The following GON4L variants were observed in gnomAD, a reference collection of about 807,000 sequenced individuals.
GON4L encodes the protein GON-4-like protein.
GON4L carries 87 observed loss-of-function variants against 211.8 expected under a neutral mutation model. That is an observed-to-expected ratio of 0.41 (90% confidence interval 0.35 to 0.49). The LOEUF is 0.49. GON4L is among the 20% of genes least tolerant of loss of function. The pLI is 0.15. For synonymous variants in GON4L, 875 were observed against 962.6 expected (o/e 0.91, Z 1.68); for missense variants, 2,155 against 2,659.5 (o/e 0.81, Z 4.17).
At position 155,762,384 on chromosome 1, in the gene GON4L, C is replaced by G. The variant is rs150685211; in HGVS notation, c.4727-10G>C. 9.4e-3 allele frequency: 15,030 copies of G among 1,595,134 alleles called. 96 individuals are homozygous for G. Among genetic ancestry groups the G allele is most frequent in the Non-Finnish European group, 0.011 (13,086 of 1,166,864 alleles). ...GCTTTGATGCTCTCTCCTTGTAGCA[C>G]ACATGAAAAGGATTGTTTCCCTGTC... On this transcript the variant is annotated splice_polypyrimidine_tract_variant and intron_variant, in intron 22 of 31. Coordinates refer to ENST00000368331, the MANE Select transcript of GON4L (RefSeq NM_001282860.2).
At chr1:155,772,390 T>G (rs112612455) in intron 18 of GON4L, among the ~76,000 whole-genome samples, 4 of 151,992 alleles carry the variant, frequency 2.6e-5, no homozygotes, top group African/African-American at 9.7e-5. Context: ...TAACAACATA[T>G]ATGATCGTGG....
Position 155,765,139 on chromosome 1 carries a change from G to A in GON4L, c.4334C>T (p.Pro1445Leu), listed in dbSNP as rs1377144257. Residue 1445 changes from proline (P) to leucine (L), a missense_variant, in exon 21 of 32, where the codon CCA becomes CTA. Coordinates refer to ENST00000368331, the MANE Select transcript of GON4L (RefSeq NM_001282860.2). ...SSVDGQSVGT[P>L]VGPETGGEKN... The stretch of plus-strand genomic sequence containing the variant: ...CTCTCCTCCAGTTTCTGGCCCAACT[G>A]GAGTCCCCACTGACTGACCATCAAC... 1 of 1,613,982 alleles carries A rather than the reference G, an allele frequency of 6.2e-7. No homozygotes were observed. The highest frequency in any genetic ancestry group is 1.7e-5 in the Admixed American group (1 of 59,974).
upstream of GON4L, among the ~76,000 whole-genome samples, chr1:155,858,253 G>A (rs993881158): frequency 6.6e-6 from 1 of 151,956 alleles, no homozygotes; most frequent in African/African-American, 2.4e-5. Context: ...GGAATCCACG[G>A]AGATTAAAAA....
chr1:155,814,516 C>T (rs1397811736), intron 8 of GON4L, 67 bp from the exon 9 acceptor site: 4 of 1,480,060 alleles, frequency 2.7e-6, no homozygotes, highest in East Asian at 4.5e-5. Flanking sequence ...TCTGAAGTAT[C>T]TCAAGAGAAG....
At chr1:155,831,459 AAATAAAT>A (rs1669760938) in intron 2 of GON4L, 1 of 10,912 alleles carries the variant, frequency 9.2e-5, no homozygotes, top group African/African-American at 2.0e-4. Context: ...CGTTAAAAAT[AAATAAAT>A]AAATAAATAA....
chr1:155,775,603 C>T (rs776634015), intron 16 of GON4L, among the ~76,000 whole-genome samples: 32 of 151,732 alleles, frequency 2.1e-4, no homozygotes, highest in Non-Finnish European at 3.2e-4. Flanking sequence ...TAATTACAGG[C>T]GCCCGCTACC....
chr1:155,822,164 T>C (rs992776336), intron 4 of GON4L, 122 bp downstream of exon 4: 5 of 826,870 alleles, frequency 6.0e-6, no homozygotes, highest in Non-Finnish European at 1.1e-5. Context: ...AAATGTTCTG[T>C]CACGGGTAAC....
At position 155,814,251 on chromosome 1, in the gene GON4L, AT is replaced by A. The variant is rs1196325094; in HGVS notation, c.1281+78del. 8.3e-6 allele frequency: 11 copies of A among 1,328,524 alleles called. No homozygotes were observed. In the East Asian group the frequency reaches 2.5e-4, roughly 31 times the overall value. 82.3% of individuals were successfully genotyped at this position (1,328,524 alleles called of 1,614,324 possible). A position where few individuals can be genotyped will look rare whatever the true frequency, so the allele number is the denominator to read the frequency against. On this transcript the variant is annotated intron_variant, in intron 9 of 31. Transcript: ENST00000368331. Reference sequence around the variant, plus strand: ...GGGTGACAGCCCAGAATCACCATGGATAAATAATCTACTTATACAGTTAAAA... The same window carrying A: ...GGGTGACAGCCCAGAATCACCATGGAAAATAATCTACTTATACAGTTAAAA...
chr1:155,845,363 G>A, intron 2 of GON4L: 1 of 226,902 alleles, frequency 4.4e-6, no homozygotes, highest in Non-Finnish European at 9.0e-6. Flanking sequence ...CTGGTGGCCA[G>A]AGTGTATCAT....
chr1:155,787,186 A>T (rs1050493987), intron 12 of GON4L, among the ~76,000 whole-genome samples: 1 of 152,172 alleles, frequency 6.6e-6, no homozygotes, highest in Non-Finnish European at 1.5e-5. Context: ...CTGGGATTAC[A>T]GGCGTGAGCT....
chr1:155,761,497 A>ATTT (rs534585899), intron 23 of GON4L, among the ~76,000 whole-genome samples: 2 of 129,384 alleles, frequency 1.5e-5, no homozygotes, highest in Non-Finnish European at 1.7e-5. Flanking sequence ...AGCCTGGTTC[A>ATTT]TTTTTTTTTT....
At chr1:155,769,057 CCT>C (rs1331167989) in intron 19 of GON4L, among the ~76,000 whole-genome samples, 3 of 152,048 alleles carry the variant, frequency 2.0e-5, no homozygotes, top group African/African-American at 7.2e-5. Context: ...GCTTACTGAA[CCT>C]CTGTCTCCCT....
At chr1:155,749,201 G>A (rs1660371668), downstream of GON4L, 10 of 1,325,456 alleles carry the variant, frequency 7.5e-6, no homozygotes, top group East Asian at 2.6e-5. Context: ...GCAGTGAGCC[G>A]AGATCACACC....
At chr1:155,856,370 A>C (rs1243844398) in intron 1 of GON4L, among the ~76,000 whole-genome samples, 1 of 151,336 alleles carries the variant, frequency 6.6e-6, no homozygotes, top group African/African-American at 2.4e-5. Flanking sequence ...TAGGACTACA[A>C]GGCACTTGCC....
Position 155,752,572 on chromosome 1 carries a change from C to G in GON4L, c.5861G>C (p.Ser1954Thr). ...MPVSAGLAVG[S>T]TLPSPREVTV... Reference sequence around the variant, plus strand: ...CACTTCTCGAGGGGATGGCAAAGTGCTCCCCACTGCCAATCCTGCTTAGGA... The same window carrying G: ...CACTTCTCGAGGGGATGGCAAAGTGGTCCCCACTGCCAATCCTGCTTAGGA... Residue 1954 changes from serine (S) to threonine (T), a missense_variant, in exon 30 of 32, where the codon AGC becomes ACC. Ser to Thr is a moderately conservative substitution (Grantham distance 58, BLOSUM62 1). Around this residue, in one of 6 missense-constraint regions of GON4L, gnomAD observed 455 missense variants for 504.6 expected, o/e 0.90. Transcript: ENST00000368331. 10 of 1,589,718 alleles carry G rather than the reference C, an allele frequency of 6.3e-6. No individual in the cohort carries two copies. The highest frequency in any genetic ancestry group is 8.6e-6 in the Non-Finnish European group (10 of 1,167,788).
chr1:155,854,062 G>A (rs1362178528), intron 1 of GON4L, among the ~76,000 whole-genome samples: 1 of 152,044 alleles, frequency 6.6e-6, no homozygotes, highest in African/African-American at 2.4e-5. Flanking sequence ...ACCCTCAACA[G>A]TAAAAAATAA....
intron 12 of GON4L, among the ~76,000 whole-genome samples, chr1:155,790,627 A>T (rs946725892): frequency 3.9e-5 from 6 of 152,012 alleles, no homozygotes; most frequent in African/African-American, 1.4e-4. Context: ...CGCACATATG[A>T]AAGGCGCACA....
intron 1 of GON4L, among the ~76,000 whole-genome samples, chr1:155,854,203 G>A (rs1367242297): frequency 6.6e-6 from 1 of 152,174 alleles, no homozygotes; most frequent in Non-Finnish European, 1.5e-5. Context: ...CCAGGCTGGA[G>A]TACAGTGGCG....
Position 155,855,904 on chromosome 1 carries a change from C to G in GON4L, c.-27+1243G>C, listed in dbSNP as rs112300041. Among the ~76,000 whole-genome samples the G allele has an allele frequency of 5.7e-3, 844 of 147,660 alleles. 7 individuals are homozygous for G. Among genetic ancestry groups the G allele is most frequent in the African/African-American group, 0.02 (798 of 39,198 alleles). ...GGCTGAGGCAGGAGAATCGCTTGAACCCGGGAGGTGGAGGTTGCAGTGGGC... is the reference window on the plus strand; with the variant it reads ...GGCTGAGGCAGGAGAATCGCTTGAAGCCGGGAGGTGGAGGTTGCAGTGGGC... On this transcript the variant is annotated intron_variant, in intron 1 of 31. Coordinates refer to ENST00000368331, the MANE Select transcript of GON4L (RefSeq NM_001282860.2).
Sources: allele counts gnomAD v4.1 joint callset (sites outside exome capture counted in the v4.1 genomes callset), GRCh38; gene constraint gnomAD v4.1.1; regional missense constraint gnomAD v4.1.1; transcripts MANE v1.5; gene names NCBI Gene and HGNC (gene_info 2026-07-23, HGNC 2026-07-21).